AFF4: variants seen among roughly 807,000 people sequenced by gnomAD.
The protein encoded by AFF4 is AF4/FMR2 family member 4.
Under a neutral mutation model 124.8 loss-of-function variants are expected in AFF4, and 13 were observed. The observed-to-expected ratio is 0.10, with a 90% CI of 0.07 to 0.17. AFF4 has a LOEUF of 0.17. Ranked by LOEUF, AFF4 falls within the 10% of genes least tolerant of loss-of-function variation. The probability of loss-of-function intolerance (pLI) is 1.00; values close to 1 mark genes in which losing one functional copy is unlikely to be tolerated. For missense variants in AFF4, 1,092 were observed against 1,403.8 expected (o/e 0.78, Z 3.55); for synonymous variants, 477 against 496.1 (o/e 0.96, Z 0.51).
chr5:132,922,787 A>G (rs1761079972), intron 5 of AFF4, among the ~76,000 whole-genome samples: 1 of 151,650 alleles, frequency 6.6e-6, no homozygotes, highest in Admixed American at 6.6e-5. Context: ...TCAAAAAAAA[A>G]AAAAAAAAAC....
rs368339150 is a variant in AFF4 at position 132,928,087 on chromosome 5, C to CAT, written c.964-882_964-881dup. Among the ~76,000 whole-genome samples, 50 of 152,164 alleles carry CAT rather than the reference C, an allele frequency of 3.3e-4. No homozygotes were observed. In the East Asian group the frequency reaches 9.5e-3, roughly 29 times the overall value. ...TGGTGTAACACCTAGGAATTTATCC[C>CAT]ATAGCAATATCCACACAGTTTTGTA... On this transcript the variant is annotated intron_variant, in intron 4 of 20. Transcript: ENST00000265343.
intron 7 of AFF4, 93 bp downstream of exon 7, chr5:132,902,349 C>T: frequency 9.2e-7 from 1 of 1,090,512 alleles, no homozygotes; most frequent in Non-Finnish European, 1.4e-6. Context: ...TGCCCAGCCT[C>T]AATATTTCTA....
intron 1 of AFF4, chr5:132,937,620 T>C (rs1372546976): frequency 6.5e-6 from 1 of 152,970 alleles, no homozygotes; most frequent in East Asian, 1.9e-4. Context: ...CCCCCCAGGG[T>C]CCAGTTCTTT....
rs1257244039 is a variant in AFF4 at position 132,875,587 on chromosome 5, C to T, written c.*5472G>A. ...ATACACATTAAACGCATGTTTGACA[C>T]TCTAAACTTTCTATACTCTCAATAC... On this transcript the variant is annotated 3_prime_UTR_variant, in exon 21 of 21. Coordinates refer to ENST00000265343, the MANE Select transcript of AFF4 (RefSeq NM_014423.4). 1 of 193,532 alleles carries T rather than the reference C, an allele frequency of 5.2e-6. No individual in the cohort carries two copies. The highest frequency in any genetic ancestry group is 1.1e-5 in the Non-Finnish European group (1 of 92,510). The allele number at this position is 193,532 out of a possible 1,614,324, so 12.0% of individuals were successfully genotyped here.
chr5:132,897,771 T>C (rs960848527), intron 10 of AFF4, among the ~76,000 whole-genome samples: 1 of 152,020 alleles, frequency 6.6e-6, no homozygotes, highest in African/African-American at 2.4e-5. Context: ...AATATTCCTA[T>C]TCAAGAATCC....
intron 7 of AFF4, among the ~76,000 whole-genome samples, chr5:132,901,610 T>A (rs182594588): frequency 8.9e-4 from 136 of 152,314 alleles, no homozygotes; most frequent in Non-Finnish European, 1.7e-3. Context: ...TGTTACATTT[T>A]TATATATATT....
intron 1 of AFF4, among the ~76,000 whole-genome samples, chr5:132,953,879 G>A (rs1761895051): frequency 1.3e-5 from 2 of 152,066 alleles, no homozygotes; most frequent in Admixed American, 1.3e-4. Flanking sequence ...TATGCCATAC[G>A]GCAGCCAAAG....
At chr5:132,900,756 T>TA in intron 7 of AFF4, 1 of 597,198 alleles carries the variant, frequency 1.7e-6, no homozygotes, top group Non-Finnish European at 2.1e-6. Flanking sequence ...ATTTTCTATG[T>TA]AACAGTCCAC....
rs1263301518 is a variant in AFF4 at position 132,883,467 on chromosome 5, A to G, written c.3237T>C (p.Ser1079=). 5.0e-6 allele frequency: 8 copies of G among 1,613,984 alleles called. No individual in the cohort carries two copies. The highest frequency in any genetic ancestry group is 6.8e-6 in the Non-Finnish European group (8 of 1,180,022). Residue 1079 remains serine (S), a synonymous_variant, in exon 20 of 21, where the codon AGT becomes AGC. Transcript: ENST00000265343. ...YSSGASSASA[S]GSSVTIPQKI... is the part of the protein sequence containing the mutation. The stretch of plus-strand genomic sequence containing the variant: ...TCTGTGGAATGGTCACTGAAGAACC[A>G]CTTGCAGAAGCACTACTGGCCCCAG...
In AFF4 at chr5:132,933,409, AAGAG is replaced by A. The variant is rs1490360173; in HGVS notation, c.918+734_918+737del. ...CGAAACTCCAACTCAAAAAAAAAAA[AAGAG>A]AGAGATAAAATTTGGGCCAGGCATG... On this transcript the variant is annotated intron_variant, in intron 3 of 20. Transcript: ENST00000265343. 3.9e-5 allele frequency among the ~76,000 whole-genome samples: 6 copies of A among 151,990 alleles called. No homozygotes were observed. The South Asian group carries it at 6.2e-4, about 16-fold the overall frequency.
At chr5:132,881,769 C>T (rs1170891437) in intron 20 of AFF4, among the ~76,000 whole-genome samples, 1 of 151,926 alleles carries the variant, frequency 6.6e-6, no homozygotes, top group African/African-American at 2.4e-5. Context: ...TCACTGCAAC[C>T]CTGGTCTCCT....
At chr5:132,893,902 T>C (rs1242687814) in intron 11 of AFF4, among the ~76,000 whole-genome samples, 3 of 152,238 alleles carry the variant, frequency 2.0e-5, no homozygotes, top group Admixed American at 6.5e-5. Context: ...TTGCCTATTC[T>C]AGACATTTCA....
intron 9 of AFF4, 144 bp downstream of exon 9, chr5:132,898,960 G>T: frequency 1.4e-6 from 1 of 731,618 alleles, no homozygotes; most frequent in Non-Finnish European, 2.2e-6. Context: ...CACTTTAAGT[G>T]TATAATTCAA....
At position 132,896,348 on chromosome 5, in the gene AFF4, G is replaced by C; in HGVS notation, c.2282C>G (p.Ser761Cys). 4 of 1,596,464 alleles carry C rather than the reference G, an allele frequency of 2.5e-6. No individual in the cohort carries two copies. The highest frequency in any genetic ancestry group is 3.4e-6 in the Non-Finnish European group (4 of 1,175,554). ...CTTATGCTTCCTCTTGCCTTTGTTG[G>C]AAACTTTTTCTGAGGCTTGTTTCTG... ...EAQKQASEKV[S>C]NKGKRKHKNE... Residue 761 changes from serine to cysteine, a missense_variant, in exon 11 of 21, where the codon TCC becomes TGC. Ser to Cys is a moderately radical substitution (Grantham distance 112, BLOSUM62 -1). Coordinates refer to ENST00000265343, the MANE Select transcript of AFF4 (RefSeq NM_014423.4).
At chr5:132,917,705 CTTTTTTT>C (rs58145774) in intron 5 of AFF4, among the ~76,000 whole-genome samples, 1 of 74,038 alleles carries the variant, frequency 1.4e-5, no homozygotes, top group East Asian at 3.6e-4. Context: ...CTTTTCTTTT[CTTTTTTT>C]TTTTTTTTTT....
chr5:132,946,502 A>G (rs929240475), intron 1 of AFF4, among the ~76,000 whole-genome samples: 1 of 152,250 alleles, frequency 6.6e-6, no homozygotes, highest in Non-Finnish European at 1.5e-5. Context: ...ATTTAGCCAT[A>G]AGGAATGAAA....
chr5:132,956,725 A>G (rs1337927791), intron 1 of AFF4, among the ~76,000 whole-genome samples: 1 of 151,936 alleles, frequency 6.6e-6, no homozygotes, highest in Non-Finnish European at 1.5e-5. Context: ...CCCACCATTT[A>G]AAAATGTAAA....
intron 6 of AFF4, among the ~76,000 whole-genome samples, chr5:132,903,306 G>A (rs1041583586): frequency 6.6e-6 from 1 of 152,138 alleles, no homozygotes; most frequent in African/African-American, 2.4e-5. Context: ...GATAAAGAAA[G>A]CATAACATCA....
chr5:132,884,424 C>T (rs1409332965), intron 19 of AFF4, among the ~76,000 whole-genome samples: 2 of 151,940 alleles, frequency 1.3e-5, no homozygotes, highest in South Asian at 2.1e-4. Flanking sequence ...GTATTTTTAG[C>T]ACAGATGGGG....
Sources: gnomAD v4.1 joint callset for allele counts (sites outside exome capture counted in the v4.1 genomes callset) on GRCh38, gnomAD v4.1.1 for gene constraint, MANE v1.5 for transcripts, NCBI Gene and HGNC (gene_info 2026-07-23, HGNC 2026-07-21) for gene names.